Variants in GNAI3 observed in about 807,000 individuals in gnomAD.
GNAI3 encodes the protein guanine nucleotide-binding protein G(i) subunit alpha-3.
GNAI3 carries 12 observed loss-of-function variants against 41.8 expected under a neutral mutation model. That is an observed-to-expected ratio of 0.29 (90% confidence interval 0.18 to 0.47). The LOEUF (loss-of-function observed/expected upper bound fraction) is 0.47, where lower values mean the gene tolerates loss of function less well. Ranked by LOEUF, GNAI3 falls within the 20% of genes least tolerant of loss-of-function variation. The pLI is 1.00. For synonymous variants in GNAI3, 132 were observed against 146.5 expected (o/e 0.90, Z 0.71); for missense variants, 360 against 429.6 (o/e 0.84, Z 1.43).
At chr1:109,559,046 T>C (rs1171060910) in intron 1 of GNAI3, among the ~76,000 whole-genome samples, 2 of 151,892 alleles carry the variant, frequency 1.3e-5, no homozygotes, top group African/African-American at 4.8e-5. Context: ...GGCATGGTGG[T>C]GCGCACCTGT....
intron 1 of GNAI3, among the ~76,000 whole-genome samples, chr1:109,554,064 C>T (rs1484236034): frequency 7.2e-6 from 1 of 138,152 alleles, no homozygotes; most frequent in Non-Finnish European, 1.5e-5. Flanking sequence ...GAGTAGTGTT[C>T]CATGGGTGTA....
At chr1:109,561,531 C>T (rs771145842) in intron 1 of GNAI3, among the ~76,000 whole-genome samples, 3 of 152,184 alleles carry the variant, frequency 2.0e-5, no homozygotes, top group Non-Finnish European at 4.4e-5. Context: ...TTAGTCAAGG[C>T]TACTTTTTAT....
At chr1:109,551,389 A>G (rs1647979613) in intron 1 of GNAI3, among the ~76,000 whole-genome samples, 1 of 152,142 alleles carries the variant, frequency 6.6e-6, no homozygotes, top group African/African-American at 2.4e-5. Flanking sequence ...GATGCAAGTC[A>G]TTTTTACTTT....
At chr1:109,590,462 C>T (rs1230216705) in intron 7 of GNAI3, among the ~76,000 whole-genome samples, 2 of 152,212 alleles carry the variant, frequency 1.3e-5, no homozygotes, top group African/African-American at 4.8e-5. Flanking sequence ...ACTTTTCACT[C>T]ATCTGCCTCC....
chr1:109,578,845 C>T (rs781662222), intron 3 of GNAI3, among the ~76,000 whole-genome samples: 5 of 152,102 alleles, frequency 3.3e-5, no homozygotes, highest in African/African-American at 7.2e-5. Flanking sequence ...TTTAATAGAA[C>T]GGGAATGTTT....
chr1:109,566,225 C>T (rs1192648156), intron 1 of GNAI3, among the ~76,000 whole-genome samples: 1 of 152,160 alleles, frequency 6.6e-6, no homozygotes, highest in African/African-American at 2.4e-5. Flanking sequence ...ATGCTTATAG[C>T]ATATGTAGAG....
At chr1:109,586,145 C>A in intron 5 of GNAI3, 71 bp from the exon 6 acceptor site, 3 of 1,362,322 alleles carry the variant, frequency 2.2e-6, no homozygotes, top group Non-Finnish European at 3.0e-6. Flanking sequence ...TGGGAAGTTT[C>A]CTAATCATTT....
intron 4 of GNAI3, 49 bp downstream of exon 4, chr1:109,579,410 A>G (rs1571158919): frequency 1.4e-6 from 2 of 1,407,686 alleles, no homozygotes; most frequent in East Asian, 4.6e-5. Flanking sequence ...ACTTGGTGAC[A>G]CTACAGAAAT....
At chr1:109,581,758 G>T (rs1327440715) in intron 4 of GNAI3, among the ~76,000 whole-genome samples, 2 of 151,758 alleles carry the variant, frequency 1.3e-5, no homozygotes, top group Non-Finnish European at 2.9e-5. Context: ...GCGTAGTGGC[G>T]GGCACCTGTA....
At chr1:109,560,478 GTAC>G (rs1648280689) in intron 1 of GNAI3, among the ~76,000 whole-genome samples, 1 of 152,124 alleles carries the variant, frequency 6.6e-6, no homozygotes, top group South Asian at 2.1e-4. Context: ...TATTTTAATT[GTAC>G]TGGCTGGGCA....
chr1:109,572,085 A>C (rs541054066), intron 1 of GNAI3, among the ~76,000 whole-genome samples: 1 of 152,158 alleles, frequency 6.6e-6, no homozygotes, highest in Non-Finnish European at 1.5e-5. Flanking sequence ...AGGCGGGCAG[A>C]TCACCTGAGG....
Position 109,600,142 on chromosome 1 carries a change from A to C in GNAI3, c.*7820A>C, listed in dbSNP as rs916033964. The C allele has an allele frequency of 2.6e-5, 4 of 152,178 alleles. No homozygotes were observed. Among genetic ancestry groups the C allele is most frequent in the African/African-American group, 4.8e-5 (2 of 41,444 alleles). 9.4% of individuals were successfully genotyped at this position (152,178 alleles called of 1,614,324 possible). A position where few individuals can be genotyped will look rare whatever the true frequency, so the allele number is the denominator to read the frequency against. On this transcript the variant is annotated 3_prime_UTR_variant, in exon 9 of 9. Coordinates refer to ENST00000369851, the MANE Select transcript of GNAI3 (RefSeq NM_006496.4). ...TCTGATCTGGTTACAAAAAAAAAAA[A>C]AACTTGATGGCTTAAAGTAAATAAA... is the stretch of plus-strand genomic sequence containing the variant.
chr1:109,581,916 C>CAAAACA (rs1283407747), intron 4 of GNAI3, among the ~76,000 whole-genome samples: 3 of 139,356 alleles, frequency 2.2e-5, no homozygotes, highest in Non-Finnish European at 4.9e-5. Context: ...CAAAACAAAA[C>CAAAACA]AAAAAAACCT....
chr1:109,564,522 T>C (rs1327353988), intron 1 of GNAI3, among the ~76,000 whole-genome samples: 1 of 152,212 alleles, frequency 6.6e-6, no homozygotes, highest in Non-Finnish European at 1.5e-5. Flanking sequence ...TCTGAATCTT[T>C]TCCTTTGTGA....
chr1:109,580,077 C>T (rs761720001), intron 4 of GNAI3, among the ~76,000 whole-genome samples: 1 of 152,238 alleles, frequency 6.6e-6, no homozygotes, highest in African/African-American at 2.4e-5. Flanking sequence ...TCTCCGCTCA[C>T]TGCAAGCTCC....
At chr1:109,585,954 A>G (rs558472265) in intron 5 of GNAI3, among the ~76,000 whole-genome samples, 3 of 152,016 alleles carry the variant, frequency 2.0e-5, no homozygotes, top group African/African-American at 7.2e-5. Flanking sequence ...CTGACTTTTC[A>G]CACATCTGGT....
intron 1 of GNAI3, among the ~76,000 whole-genome samples, chr1:109,571,045 T>A (rs898648215): frequency 1.3e-5 from 2 of 152,212 alleles, no homozygotes; most frequent in African/African-American, 4.8e-5. Context: ...TAAGCTTTAC[T>A]AATATTTAAT....
At position 109,599,021 on chromosome 1, in the gene GNAI3, G is replaced by C; in HGVS notation, c.*6699G>C. On this transcript the variant is annotated 3_prime_UTR_variant, in exon 9 of 9. Coordinates refer to ENST00000369851, the MANE Select transcript of GNAI3 (RefSeq NM_006496.4). ...AAGTATAGAGTGGGTTTTGAATGCTGTTATGTCTCACCGTGGGGATGGGAA... is the reference window on the plus strand; with the variant it reads ...AAGTATAGAGTGGGTTTTGAATGCTCTTATGTCTCACCGTGGGGATGGGAA... 1.9e-6 allele frequency: 1 copy of C among 527,022 alleles called. No individual in the cohort carries two copies. The highest frequency in any genetic ancestry group is 3.9e-6 in the Non-Finnish European group (1 of 253,778). The allele number at this position is 527,022 out of a possible 1,614,324, so 32.6% of individuals were successfully genotyped here.
chr1:109,556,933 A>G (rs1464830949), intron 1 of GNAI3, among the ~76,000 whole-genome samples: 1 of 152,120 alleles, frequency 6.6e-6, no homozygotes, highest in Non-Finnish European at 1.5e-5. Flanking sequence ...TGTTATGATT[A>G]CTATTTAGTT....
Sources: allele counts gnomAD v4.1 joint callset (sites outside exome capture counted in the v4.1 genomes callset), GRCh38; gene constraint gnomAD v4.1.1; transcripts MANE v1.5; gene names NCBI Gene and HGNC (gene_info 2026-07-23, HGNC 2026-07-21).